The following ERICH1 variants were observed in gnomAD, a reference collection of about 807,000 sequenced individuals.
ERICH1 encodes the protein glutamate-rich protein 1.
Under a neutral mutation model 39.6 loss-of-function variants are expected in ERICH1, and 56 were observed. The observed-to-expected ratio is 1.41, with a 90% CI of 1.14 to 1.77. ERICH1 has a LOEUF of 1.77. Among genes scored for constraint, ERICH1 ranks in the 40% most tolerant of loss-of-function variants. The probability of loss-of-function intolerance (pLI) is 0.00; values close to 1 mark genes in which losing one functional copy is unlikely to be tolerated. For synonymous variants in ERICH1, 313 were observed against 223.6 expected, an observed-to-expected ratio of 1.40 and a Z score of -3.57; for missense variants, 826 against 575.4, an observed-to-expected ratio of 1.44 and a Z score of -4.45.
At chr8:635,967 G>T (rs1798406303) in intron 3 of ERICH1, among the ~76,000 whole-genome samples, 3 of 152,230 alleles carry the variant, frequency 2.0e-5, no homozygotes. Flanking sequence ...TTCAACCAGG[G>T]CGAGAAGGCC....
chr8:627,117 C>T (rs1355668605), intron 3 of ERICH1: 1 of 456,276 alleles, frequency 2.2e-6, no homozygotes, highest in Non-Finnish European at 4.4e-6. Flanking sequence ...CTGCATCAGT[C>T]AAGGTCATGG....
chr8:693,037 A>T (rs1809277170), intron 2 of ERICH1, among the ~76,000 whole-genome samples: 1 of 152,192 alleles, frequency 6.6e-6, no homozygotes, highest in Non-Finnish European at 1.5e-5. Context: ...ACGTGCTAAC[A>T]ACATGTGTAC....
chr8:669,740 A>G (rs1366025687), intron 4 of ERICH1, among the ~76,000 whole-genome samples: 1 of 152,196 alleles, frequency 6.6e-6, no homozygotes, highest in Non-Finnish European at 1.5e-5. Flanking sequence ...AAAGAATCAG[A>G]CTGTGGCTGT....
rs141971082 is a variant in ERICH1 at position 653,763 on chromosome 8, G to A, written c.976+14835C>T. ...GATGTTATGCTGGGTGAAATGAGCCGGTCACAGAAGGACGAATCCCGCAGG... is the reference window on the plus strand; with the variant it reads ...GATGTTATGCTGGGTGAAATGAGCCAGTCACAGAAGGACGAATCCCGCAGG... On this transcript the variant is annotated intron_variant, in intron 3 of 3. Transcript: ENST00000522706. Among the ~76,000 whole-genome samples, 688 of 152,206 alleles carry A rather than the reference G, an allele frequency of 4.5e-3. 4 individuals carry two copies. Among genetic ancestry groups the A allele is most frequent in the Non-Finnish European group, 5.9e-3 (400 of 68,010 alleles).
intron 3 of ERICH1, among the ~76,000 whole-genome samples, chr8:636,337 G>A (rs542268042): frequency 7.2e-5 from 11 of 152,214 alleles, no homozygotes; most frequent in Non-Finnish European, 1.5e-4. Flanking sequence ...CCAAGGCCTC[G>A]GATGTGTGGA....
At chr8:651,242 G>C (rs999841566) in intron 3 of ERICH1, among the ~76,000 whole-genome samples, 7 of 152,260 alleles carry the variant, frequency 4.6e-5, no homozygotes, top group African/African-American at 1.7e-4. Flanking sequence ...GAAGAGAAGT[G>C]GCGCTGGGCT....
Position 644,740 on chromosome 8 carries a change from A to T in ERICH1, c.976+23858T>A, listed in dbSNP as rs1216974687. 1.0e-4 allele frequency among the ~76,000 whole-genome samples: 7 copies of T among 67,554 alleles called. 3 individuals are homozygous for T. The highest frequency in any genetic ancestry group is 2.6e-4 in the African/African-American group (7 of 26,740). The allele number at this position is 67,554 out of a possible 152,430, so 44.3% of individuals were successfully genotyped here. On this transcript the variant is annotated intron_variant, in intron 3 of 3. Transcript: ENST00000522706. ...TCCAGCCTGACCCGTTCTATGACAGACGTGTCACCAACCTATCCAACCACT... is the reference window on the plus strand; with the variant it reads ...TCCAGCCTGACCCGTTCTATGACAGTCGTGTCACCAACCTATCCAACCACT...
chr8:618,432 C>T (rs371438261), intron 3 of ERICH1, among the ~76,000 whole-genome samples: 6 of 152,018 alleles, frequency 3.9e-5, no homozygotes, highest in East Asian at 1.9e-4. Flanking sequence ...GCTCAGTACT[C>T]GGTGCTTGGT....
chr8:692,679 G>C, intron 2 of ERICH1, 67 bp from the exon 3 acceptor site: 2 of 1,445,802 alleles, frequency 1.4e-6, no homozygotes, highest in Non-Finnish European at 1.8e-6. Context: ...TATTTGCCTT[G>C]ATTACATCGG....
At chr8:675,083 T>C (rs1278342042) in intron 3 of ERICH1, among the ~76,000 whole-genome samples, 1 of 152,078 alleles carries the variant, frequency 6.6e-6, no homozygotes, top group Non-Finnish European at 1.5e-5. Context: ...GGATAAACCA[T>C]GGCAGTCTCA....
chr8:695,168 C>T (rs991506003), intron 2 of ERICH1, among the ~76,000 whole-genome samples: 3 of 152,046 alleles, frequency 2.0e-5, no homozygotes, highest in East Asian at 1.9e-4. Flanking sequence ...TCCTGGCAGC[C>T]GACAGCTATG....
chr8:641,447 T>C (rs1798964318), intron 3 of ERICH1, among the ~76,000 whole-genome samples: 1 of 152,198 alleles, frequency 6.6e-6, no homozygotes, highest in Non-Finnish European at 1.5e-5. Flanking sequence ...CTTGAGGAAA[T>C]TTATGCAAAG....
At chr8:682,497 CACT>C (rs1806354608) in intron 3 of ERICH1, among the ~76,000 whole-genome samples, 1 of 152,186 alleles carries the variant, frequency 6.6e-6, no homozygotes, top group Non-Finnish European at 1.5e-5. Context: ...TTTTCAGAAC[CACT>C]CCAGAGACTC....
downstream of ERICH1, among the ~76,000 whole-genome samples, chr8:662,064 C>A (rs1471620308): frequency 6.6e-6 from 1 of 152,022 alleles, no homozygotes; most frequent in Non-Finnish European, 1.5e-5. Flanking sequence ...CACACATGAC[C>A]CACCAGCCCT....
chr8:718,053 C>T (rs952353927), intron 1 of ERICH1, among the ~76,000 whole-genome samples: 2 of 151,868 alleles, frequency 1.3e-5, no homozygotes, highest in African/African-American at 4.8e-5. Flanking sequence ...AACACATCAG[C>T]GTTTGGATCA....
At position 731,170 on chromosome 8, in the gene ERICH1, C is replaced by T. The variant is rs1249590805; in HGVS notation, c.-9G>A. On this transcript the variant is annotated 5_prime_UTR_variant, in exon 1 of 6. Transcript: ENST00000262109. Reference sequence around the variant, plus strand: ...TTCCTGTGCGCCGCCATGCGGGACCCTGCCGCGGACCTCAGACCACGGCGC... The same window carrying T: ...TTCCTGTGCGCCGCCATGCGGGACCTTGCCGCGGACCTCAGACCACGGCGC... 2 of 1,506,714 alleles carry T rather than the reference C, an allele frequency of 1.3e-6. No homozygotes were observed. Among genetic ancestry groups the T allele is most frequent in the Non-Finnish European group, 1.8e-6 (2 of 1,129,888 alleles). 93.3% of individuals were successfully genotyped at this position (1,506,714 alleles called of 1,614,324 possible).
At chr8:716,707 A>G (rs1563342513) in intron 1 of ERICH1, among the ~76,000 whole-genome samples, 1 of 152,214 alleles carries the variant, frequency 6.6e-6, no homozygotes, top group Non-Finnish European at 1.5e-5. Flanking sequence ...CTTTGGAATA[A>G]CCAAAAGTCG....
At chr8:684,137 CCAA>C (rs1806774702) in intron 3 of ERICH1, among the ~76,000 whole-genome samples, 1 of 152,064 alleles carries the variant, frequency 6.6e-6, no homozygotes, top group Non-Finnish European at 1.5e-5. Context: ...CATAAAATGG[CCAA>C]CAAAATGATA....
chr8:711,959 G>T (rs1158124344), intron 2 of ERICH1, among the ~76,000 whole-genome samples: 1 of 152,206 alleles, frequency 6.6e-6, no homozygotes, highest in Non-Finnish European at 1.5e-5. Flanking sequence ...TGGTATTTAT[G>T]TGGGTCTATT....
Sources: gnomAD v4.1 joint callset for allele counts (sites outside exome capture counted in the v4.1 genomes callset) on GRCh38, gnomAD v4.1.1 for gene constraint, MANE v1.5 for transcripts, NCBI Gene and HGNC (gene_info 2026-07-23, HGNC 2026-07-21) for gene names.